Variants in AGAP1 observed in about 807,000 individuals in gnomAD.
AGAP1 encodes ArfGAP with GTPase domain, ankyrin repeat and PH domain 1.
Under a neutral mutation model 105.3 loss-of-function variants are expected in AGAP1, and 29 were observed. That is an observed-to-expected ratio of 0.28 (90% CI 0.21 to 0.38). The LOEUF is 0.38. Ranked by LOEUF, AGAP1 falls within the 10% of genes least tolerant of loss-of-function variation. The pLI is 1.00. For synonymous variants in AGAP1, 509 were observed against 485.9 expected, an observed-to-expected ratio of 1.05 and a Z score of -0.63; for missense variants, 998 against 1,165.1, an observed-to-expected ratio of 0.86 and a Z score of 2.09.
Position 235,875,196 on chromosome 2 carries a change from C to G in AGAP1, c.1051-8149C>G, listed in dbSNP as rs764259543. 1.3e-5 allele frequency among the ~76,000 whole-genome samples: 2 copies of G among 152,158 alleles called. No homozygotes were observed. Among genetic ancestry groups the G allele is most frequent in the Admixed American group, 6.5e-5 (1 of 15,278 alleles). ...CAACCTTACTGGTCCATGGCCCTGT[C>G]CTGTTTCTGTATCTGCCAACCAGAG... On this transcript the variant is annotated intron_variant, in intron 9 of 17. Coordinates refer to ENST00000304032, the MANE Select transcript of AGAP1 (RefSeq NM_001037131.3). The surrounding 1 kb of genome is among the most constrained non-coding windows in gnomAD (Gnocchi z 4.0).
intron 5 of AGAP1, among the ~76,000 whole-genome samples, chr2:235,746,574 A>C (rs957357372): frequency 2.0e-5 from 3 of 151,736 alleles, no homozygotes; most frequent in African/African-American, 4.8e-5. Flanking sequence ...GTGAGAATGC[A>C]GAGTTGCCGT....
chr2:235,929,119 G>A (rs1041138174), intron 11 of AGAP1, among the ~76,000 whole-genome samples: 2 of 152,206 alleles, frequency 1.3e-5, no homozygotes, highest in Admixed American at 6.5e-5. Flanking sequence ...CGAGGCTTCC[G>A]AGCCACTGCC....
intron 1 of AGAP1, among the ~76,000 whole-genome samples, chr2:235,677,057 T>C (rs1490569128): frequency 2.6e-5 from 4 of 152,248 alleles, no homozygotes; most frequent in African/African-American, 9.6e-5. Context: ...TCCTTGTTGG[T>C]GATAGCCCTA....
At chr2:235,697,173 G>A (rs1950037146) in intron 1 of AGAP1, among the ~76,000 whole-genome samples, 1 of 152,184 alleles carries the variant, frequency 6.6e-6, no homozygotes, top group African/African-American at 2.4e-5. Flanking sequence ...CAGATTCTGG[G>A]AGGTGAGAGC....
chr2:235,996,669 G>C (rs2055830694), intron 13 of AGAP1, among the ~76,000 whole-genome samples: 3 of 152,196 alleles, frequency 2.0e-5, no homozygotes, highest in Admixed American at 2.0e-4. Context: ...AGAGGCTGGA[G>C]CACAGCTCCC....
rs1047373861 is a variant in AGAP1 at position 235,553,392 on chromosome 2, T to C, written c.163+58543T>C. 2.6e-5 allele frequency among the ~76,000 whole-genome samples: 4 copies of C among 152,174 alleles called. No homozygotes were observed. Among genetic ancestry groups the C allele is most frequent in the Non-Finnish European group, 5.9e-5 (4 of 68,036 alleles). On this transcript the variant is annotated intron_variant, in intron 1 of 17. Coordinates refer to ENST00000304032, the MANE Select transcript of AGAP1 (RefSeq NM_001037131.3). The surrounding 1 kb of genome is among the most constrained non-coding windows in gnomAD (Gnocchi z 4.5). ...CTGTGAATTTTTAATAAAACATAGTTGTTTACATACTTCTCCTTTAATCCC... is the reference window on the plus strand; with the variant it reads ...CTGTGAATTTTTAATAAAACATAGTCGTTTACATACTTCTCCTTTAATCCC...
At position 235,793,529 on chromosome 2, in the gene AGAP1, C is replaced by G. The variant is rs1016651205; in HGVS notation, c.674-4230C>G. Among the ~76,000 whole-genome samples, 1 of 152,124 alleles carries G rather than the reference C, an allele frequency of 6.6e-6. No individual in the cohort carries two copies. ...GTGTCATGAGCAGTCCCAGAGCCGT[C>G]GGATTGCTCTGGTGCACTTGCTGCC... On this transcript the variant is annotated intron_variant, in intron 6 of 17. Coordinates refer to ENST00000304032, the MANE Select transcript of AGAP1 (RefSeq NM_001037131.3). The surrounding 1 kb of genome is among the most constrained non-coding windows in gnomAD (Gnocchi z 5.3).
Position 235,535,931 on chromosome 2 carries a change from G to A in AGAP1, c.163+41082G>A, listed in dbSNP as rs1050528793. The stretch of plus-strand genomic sequence containing the variant: ...AGTGGCTTTCCTGCCCTCCTTGGCT[G>A]GTGGACGTAAGGCCCCTCGCCCCAT... On this transcript the variant is annotated intron_variant, in intron 1 of 17. Coordinates refer to ENST00000304032, the MANE Select transcript of AGAP1 (RefSeq NM_001037131.3). This position sits in a 1 kb window ranked among gnomAD's most constrained non-coding sequence, Gnocchi z 5.1. Among the ~76,000 whole-genome samples the A allele has an allele frequency of 6.6e-6, 1 of 151,914 alleles. No individual in the cohort carries two copies. Among genetic ancestry groups the A allele is most frequent in the Non-Finnish European group, 1.5e-5 (1 of 67,980 alleles).
chr2:235,675,421 C>T (rs1265719526), intron 1 of AGAP1, among the ~76,000 whole-genome samples: 3 of 152,206 alleles, frequency 2.0e-5, no homozygotes, highest in Non-Finnish European at 2.9e-5. Context: ...CCTCGTGATA[C>T]ACCCGCCTCA....
intron 1 of AGAP1, chr2:235,524,539 G>T: frequency 3.0e-6 from 1 of 331,424 alleles, no homozygotes; most frequent in Non-Finnish European, 6.4e-6. Context: ...AGCCCCCATG[G>T]GTAAGTATAA....
At chr2:235,952,880 C>T (rs1269245106) in intron 12 of AGAP1, among the ~76,000 whole-genome samples, 2 of 152,178 alleles carry the variant, frequency 1.3e-5, no homozygotes, top group South Asian at 2.1e-4. Context: ...ACCAGTGGAA[C>T]CCAAGCCCTC....
chr2:236,023,243 T>C (rs2056942642), intron 13 of AGAP1, among the ~76,000 whole-genome samples: 1 of 152,286 alleles, frequency 6.6e-6, no homozygotes, highest in African/African-American at 2.4e-5. Flanking sequence ...CAGTTAGGAA[T>C]GTCTGTTTTT....
intron 6 of AGAP1, among the ~76,000 whole-genome samples, chr2:235,762,859 T>C (rs2675141): frequency 0.28 from 42,600 of 151,874 alleles, 6,285 homozygotes; most frequent in Admixed American, 0.41. Flanking sequence ...GGAGACAGAG[T>C]GAGACTCCAT....
rs11447483 is a variant in AGAP1, at chr2:235,584,193, C to CTTTTTTTTTT, written c.163+89351_163+89360dup. ...TTGAAGCATGACCCTCAATAAACCA[C>CTTTTTTTTTT]TTTTTTTTTTTTTTTTGCATGGAAA... On this transcript the variant is annotated intron_variant, in intron 1 of 17. Coordinates refer to ENST00000304032, the MANE Select transcript of AGAP1 (RefSeq NM_001037131.3). 1.4e-5 allele frequency among the ~76,000 whole-genome samples: 2 copies of CTTTTTTTTTT among 139,986 alleles called. 1 individual carries two copies. 91.8% of individuals were successfully genotyped at this position (139,986 alleles called of 152,430 possible).
At position 235,979,009 on chromosome 2, in the gene AGAP1, ATT is replaced by A. The variant is rs1316597990; in HGVS notation, c.1645+10392_1645+10393del. On this transcript the variant is annotated intron_variant, in intron 13 of 17. Transcript: ENST00000304032. This position sits in a 1 kb window ranked among gnomAD's most constrained non-coding sequence, Gnocchi z 4.5. ...GTTATAAGGGGACATCTCTCTTGAA[ATT>A]TTTTTGGACTTACGGACATTTAATT... Among the ~76,000 whole-genome samples, 1 of 151,998 alleles carries A rather than the reference ATT, an allele frequency of 6.6e-6. No individual in the cohort carries two copies. The highest frequency in any genetic ancestry group is 1.5e-5 in the Non-Finnish European group (1 of 68,022).
chr2:236,007,773 C>T (rs1338868560), intron 13 of AGAP1, among the ~76,000 whole-genome samples: 2 of 152,196 alleles, frequency 1.3e-5, no homozygotes, highest in African/African-American at 2.4e-5. Flanking sequence ...CTAAGGTGGC[C>T]CCTGCTCACC....
At chr2:235,755,534 G>A (rs998206002) in intron 6 of AGAP1, among the ~76,000 whole-genome samples, 3 of 152,126 alleles carry the variant, frequency 2.0e-5, no homozygotes, top group Non-Finnish European at 2.9e-5. Context: ...TCTACCTCCC[G>A]GGTTCAAGCA....
intron 13 of AGAP1, among the ~76,000 whole-genome samples, chr2:236,034,855 G>A (rs940909649): frequency 6.6e-6 from 1 of 152,230 alleles, no homozygotes; most frequent in Admixed American, 6.5e-5. Flanking sequence ...TGAGGGGCTG[G>A]TGGAGGCCAT....
Position 235,600,610 on chromosome 2 carries a change from C to T in AGAP1, c.163+105761C>T, listed in dbSNP as rs370206765. 7.9e-5 allele frequency among the ~76,000 whole-genome samples: 12 copies of T among 152,176 alleles called. No individual in the cohort carries two copies. The highest frequency in any genetic ancestry group is 6.5e-5 in the Admixed American group (1 of 15,284). ...AGGAGCAAGGAAGCCAGTCCCAGGC[C>T]GAAAGCTGAAGAACTTGGAGCCTGA... is the stretch of plus-strand genomic sequence containing the variant. On this transcript the variant is annotated intron_variant, in intron 1 of 17. Coordinates refer to ENST00000304032, the MANE Select transcript of AGAP1 (RefSeq NM_001037131.3). The surrounding 1 kb of genome is among the most constrained non-coding windows in gnomAD (Gnocchi z 4.8).
Sources: allele counts gnomAD v4.1 joint callset (sites outside exome capture counted in the v4.1 genomes callset), GRCh38; gene constraint gnomAD v4.1.1; non-coding constraint Gnocchi (gnomAD v3.1); transcripts MANE v1.5; gene names NCBI Gene and HGNC (gene_info 2026-07-23, HGNC 2026-07-21).